MFHAS1: variants seen among roughly 807,000 people sequenced by gnomAD.
MFHAS1 encodes the protein malignant fibrous histiocytoma-amplified sequence 1.
MFHAS1 carries 50 observed loss-of-function variants against 70.4 expected under a neutral mutation model. The ratio of observed to expected loss-of-function variants is 0.71; its 90% CI spans 0.57 to 0.90. The LOEUF (loss-of-function observed/expected upper bound fraction) is 0.90, where lower values mean the gene tolerates loss of function less well. Ranked by LOEUF, MFHAS1 falls within the 40% of genes least tolerant of loss-of-function variation. The pLI, the probability that MFHAS1 is intolerant of heterozygous loss-of-function variation, is 0.00. For missense variants in MFHAS1, 1,795 were observed against 1,347.6 expected, an observed-to-expected ratio of 1.33 and a Z score of -5.20; for synonymous variants, 952 against 620.0, an observed-to-expected ratio of 1.54 and a Z score of -7.96.
At chr8:8,807,185 G>A (rs1806321308) in intron 1 of MFHAS1, among the ~76,000 whole-genome samples, 1 of 151,974 alleles carries the variant, frequency 6.6e-6, no homozygotes, top group Admixed American at 6.6e-5. Context: ...GACTATTCCT[G>A]GAACGTCCTT....
chr8:8,833,490 G>A (rs4840368), intron 1 of MFHAS1, among the ~76,000 whole-genome samples: 53,409 of 151,812 alleles, frequency 0.35, 9,660 homozygotes, highest in Non-Finnish European at 0.39. Context: ...TTAGCCAGGC[G>A]TGGTGGTACA....
chr8:8,800,673 T>A (rs1806055330), intron 1 of MFHAS1, among the ~76,000 whole-genome samples: 2 of 152,206 alleles, frequency 1.3e-5, no homozygotes, highest in Non-Finnish European at 2.9e-5. Flanking sequence ...AGTTCTACTT[T>A]TGTCCTAAAA....
chr8:8,852,470 A>AACACAC (rs752733842), intron 1 of MFHAS1, among the ~76,000 whole-genome samples: 161 of 127,780 alleles, frequency 1.3e-3, no homozygotes, highest in Middle Eastern at 3.8e-3. Flanking sequence ...CCCTCTCTCA[A>AACACAC]ACACACACAC....
At chr8:8,825,814 C>G (rs1294861913) in intron 1 of MFHAS1, among the ~76,000 whole-genome samples, 1 of 152,118 alleles carries the variant, frequency 6.6e-6, no homozygotes, top group Non-Finnish European at 1.5e-5. Context: ...TAAGTAAGAA[C>G]CTGTTTAAAA....
In MFHAS1 at chr8:8,783,695, G is replaced by A. The variant is rs1318283583; in HGVS notation, c.*2327C>T. ...GAGGGCATTTGTTTGAGAGGCAAGG[G>A]ACGCCTTGCTTAGAAAACATTCCTC... is the stretch of plus-strand genomic sequence containing the variant. On this transcript the variant is annotated 3_prime_UTR_variant, in exon 3 of 3. Coordinates refer to ENST00000276282, the MANE Select transcript of MFHAS1 (RefSeq NM_004225.3). 1 of 152,174 alleles carries A rather than the reference G, an allele frequency of 6.6e-6. No homozygotes were observed. The highest frequency in any genetic ancestry group is 1.5e-5 in the Non-Finnish European group (1 of 68,042). 9.4% of individuals were successfully genotyped at this position (152,174 alleles called of 1,614,324 possible).
intron 1 of MFHAS1, among the ~76,000 whole-genome samples, chr8:8,823,024 G>A (rs972780252): frequency 6.6e-6 from 1 of 152,116 alleles, no homozygotes; most frequent in Admixed American, 6.5e-5. Flanking sequence ...AGACCGGGAA[G>A]GAGAGACAGA....
intron 1 of MFHAS1, among the ~76,000 whole-genome samples, chr8:8,880,513 C>T (rs1809476956): frequency 6.6e-6 from 1 of 152,182 alleles, no homozygotes; most frequent in South Asian, 2.1e-4. Flanking sequence ...CAGAATGGCA[C>T]ACGCACAACA....
chr8:8,796,688 C>CAA (rs55756300), intron 2 of MFHAS1, among the ~76,000 whole-genome samples: 2,427 of 24,722 alleles, frequency 0.098, 635 homozygotes, highest in Non-Finnish European at 0.14. Context: ...CGTCTCAAAA[C>CAA]AAAAAAAAAA....
At chr8:8,814,422 T>C (rs1249054178) in intron 1 of MFHAS1, among the ~76,000 whole-genome samples, 8 of 152,154 alleles carry the variant, frequency 5.3e-5, no homozygotes, top group Admixed American at 1.3e-4. Context: ...ACCATCTAGG[T>C]TTGTGTAAGT....
At chr8:8,881,489 C>G (rs1809522188) in intron 1 of MFHAS1, among the ~76,000 whole-genome samples, 2 of 152,192 alleles carry the variant, frequency 1.3e-5, no homozygotes, top group Non-Finnish European at 2.9e-5. Context: ...CTTCCTGCAC[C>G]TATTCCACCT....
At chr8:8,799,413 A>C (rs1806011907) in intron 1 of MFHAS1, among the ~76,000 whole-genome samples, 1 of 152,200 alleles carries the variant, frequency 6.6e-6, no homozygotes, top group Non-Finnish European at 1.5e-5. Context: ...GGATAAGGGG[A>C]CCACTGTATC....
rs141004217 is a variant in MFHAS1, at chr8:8,849,578, G to C, written c.2998+40483C>G. Among the ~76,000 whole-genome samples, 604 of 152,218 alleles carry C rather than the reference G, an allele frequency of 4.0e-3. 1 individual carries two copies. Among genetic ancestry groups the C allele is most frequent in the Non-Finnish European group, 6.2e-3 (424 of 68,000 alleles). ...TTGCAAATTAGACCTTCACAGCTGCGGTCCTGTTCAGTCCAACTGTGGCCC... is the reference window on the plus strand; with the variant it reads ...TTGCAAATTAGACCTTCACAGCTGCCGTCCTGTTCAGTCCAACTGTGGCCC... On this transcript the variant is annotated intron_variant, in intron 1 of 2. Coordinates refer to ENST00000276282, the MANE Select transcript of MFHAS1 (RefSeq NM_004225.3).
chr8:8,822,430 A>AG (rs1806992470), intron 1 of MFHAS1, among the ~76,000 whole-genome samples: 1 of 151,688 alleles, frequency 6.6e-6, no homozygotes, highest in African/African-American at 2.4e-5. Flanking sequence ...GGACCACGCC[A>AG]GGGGCACTGA....
Position 8,891,813 on chromosome 8 carries a change from C to G in MFHAS1, c.1246G>C (p.Gly416Arg). The G allele has an allele frequency of 6.2e-7, 1 of 1,613,312 alleles. No individual in the cohort carries two copies. The highest frequency in any genetic ancestry group is 8.5e-7 in the Non-Finnish European group (1 of 1,179,972). Residue 416 changes from glycine (G) to arginine (R), a missense_variant, in exon 1 of 3, where the codon GGG becomes CGG. Transcript: ENST00000276282. The surrounding 1 kb of genome is among the most constrained non-coding windows in gnomAD (Gnocchi z 5.4). ...VQPRLKLLLMGHKAAGKTLLR... is the reference protein window; with the variant it reads ...VQPRLKLLLMRHKAAGKTLLR... The stretch of plus-strand genomic sequence containing the variant: ...AAAGTCTTTCCTGCAGCCTTATGCC[C>G]CATCAGGAGCAGCTTGAGCCGGGGC...
chr8:8,850,712 A>G (rs1808213219), intron 1 of MFHAS1, among the ~76,000 whole-genome samples: 1 of 151,190 alleles, frequency 6.6e-6, no homozygotes, highest in Non-Finnish European at 1.5e-5. Flanking sequence ...GCGCACACCT[A>G]TAATCAGGAG....
intron 1 of MFHAS1, among the ~76,000 whole-genome samples, chr8:8,851,927 A>G (rs968261930): frequency 5.3e-5 from 8 of 152,218 alleles, no homozygotes; most frequent in African/African-American, 1.7e-4. Context: ...TTCCCTCAAC[A>G]AAGTTGAAGC....
chr8:8,882,814 GGT>G (rs1809580591), intron 1 of MFHAS1, among the ~76,000 whole-genome samples: 1 of 152,048 alleles, frequency 6.6e-6, no homozygotes, highest in Non-Finnish European at 1.5e-5. Context: ...CCCAGAAGAA[GGT>G]AAACCTGACA....
intron 1 of MFHAS1, among the ~76,000 whole-genome samples, chr8:8,818,732 C>G (rs1347527604): frequency 3.9e-5 from 6 of 152,140 alleles, no homozygotes; most frequent in Non-Finnish European, 7.4e-5. Flanking sequence ...AAAGTTTGGG[C>G]AAAAATATCT....
chr8:8,811,132 T>C lies in MFHAS1; in HGVS notation c.2999-13641A>G, dbSNP rs538159552. On this transcript the variant is annotated intron_variant, in intron 1 of 2. Transcript: ENST00000276282. ...ATCCTCTCTCAACACCAGCTTTTCT[T>C]TATCTACTCCCCTACCCAAGTGTCA... 3.9e-5 allele frequency among the ~76,000 whole-genome samples: 6 copies of C among 152,086 alleles called. No individual in the cohort carries two copies. In the East Asian group the frequency reaches 1.2e-3, roughly 29 times the overall value.
Sources: gnomAD v4.1 joint callset for allele counts (sites outside exome capture counted in the v4.1 genomes callset) on GRCh38, gnomAD v4.1.1 for gene constraint, Gnocchi (gnomAD v3.1) non-coding constraint, MANE v1.5 for transcripts, NCBI Gene and HGNC (gene_info 2026-07-23, HGNC 2026-07-21) for gene names.